TAFA5: variants seen among roughly 807,000 people sequenced by gnomAD.
The protein encoded by TAFA5 is chemokine-like protein TAFA-5.
A neutral mutation model predicts 15.3 loss-of-function variants in TAFA5; 6 were observed. The ratio of observed to expected loss-of-function variants is 0.39; its 90% CI spans 0.21 to 0.77. The LOEUF (loss-of-function observed/expected upper bound fraction) is 0.77. Ranked by LOEUF, TAFA5 falls within the 30% of genes least tolerant of loss-of-function variation. The pLI is 0.41. For synonymous variants in TAFA5, 103 were observed against 80.7 expected, an observed-to-expected ratio of 1.28 and a Z score of -1.48; for missense variants, 161 against 193.1, an observed-to-expected ratio of 0.83 and a Z score of 0.98.
At chr22:48,703,944 C>T (rs1928997042) in intron 2 of TAFA5, among the ~76,000 whole-genome samples, 1 of 152,272 alleles carries the variant, frequency 6.6e-6, no homozygotes, top group Non-Finnish European at 1.5e-5. Flanking sequence ...GGGCTCACTT[C>T]ACCTGAGACA....
chr22:48,605,738 C>T (rs1173250819), intron 1 of TAFA5, among the ~76,000 whole-genome samples: 2 of 152,108 alleles, frequency 1.3e-5, no homozygotes, highest in Non-Finnish European at 2.9e-5. Flanking sequence ...GGGGCTTTGC[C>T]CCTCTCACCC....
intron 1 of TAFA5, among the ~76,000 whole-genome samples, chr22:48,624,589 G>T (rs922001187): frequency 6.6e-6 from 1 of 152,132 alleles, no homozygotes; most frequent in African/African-American, 2.4e-5. Flanking sequence ...TTTATTTACC[G>T]GGTTGCCAGG....
intron 1 of TAFA5, among the ~76,000 whole-genome samples, chr22:48,636,970 G>T (rs1231730031): frequency 6.6e-6 from 1 of 152,224 alleles, no homozygotes; most frequent in Admixed American, 6.5e-5. Context: ...CCTGCCCCAA[G>T]GTATGGGCAG....
chr22:48,654,275 G>A (rs1418907812), intron 2 of TAFA5, among the ~76,000 whole-genome samples: 1 of 152,128 alleles, frequency 6.6e-6, no homozygotes, highest in African/African-American at 2.4e-5. Flanking sequence ...CCTGACCCTG[G>A]GCAGACCACC....
intron 1 of TAFA5, chr22:48,544,484 G>T (rs1280923810): frequency 1.4e-5 from 5 of 354,914 alleles, no homozygotes; most frequent in South Asian, 8.4e-5. Context: ...GTTGAAATAT[G>T]CAGACCTCTG....
In TAFA5 at chr22:48,527,274, C is replaced by A. The variant is rs74977760; in HGVS notation, c.112+37570C>A. On this transcript the variant is annotated intron_variant, in intron 1 of 3. Transcript: ENST00000402357. ...TGTAAATGTCAAGGTCCACTTAGACCCCAACTGCAGCCCAGGCCTGGGGGG... is the reference window on the plus strand; with the variant it reads ...TGTAAATGTCAAGGTCCACTTAGACACCAACTGCAGCCCAGGCCTGGGGGG... 7.8e-3 allele frequency among the ~76,000 whole-genome samples: 1,184 copies of A among 152,362 alleles called. 24 individuals are homozygous for A. Among genetic ancestry groups the A allele is most frequent in the African/African-American group, 0.027 (1,123 of 41,588 alleles).
rs116703662 is a variant in TAFA5, at chr22:48,663,769, G to A, written c.262+17023G>A. Among the ~76,000 whole-genome samples, 851 of 152,292 alleles carry A rather than the reference G, an allele frequency of 5.6e-3. 6 individuals carry two copies. The highest frequency in any genetic ancestry group is 0.019 in the African/African-American group (808 of 41,558). On this transcript the variant is annotated intron_variant, in intron 2 of 3. Transcript: ENST00000402357. ...TGGCATATTCACACTGTCCAAGTCA[G>A]CTGCCTATTAGTCACTAAGTAGCCG... is the stretch of plus-strand genomic sequence containing the variant.
At chr22:48,588,489 C>G (rs1924441184) in intron 1 of TAFA5, among the ~76,000 whole-genome samples, 1 of 152,158 alleles carries the variant, frequency 6.6e-6, no homozygotes, top group African/African-American at 2.4e-5. Flanking sequence ...TGCAGAGGGT[C>G]CCAGGCAGGG....
At chr22:48,570,903 A>G (rs1210346431) in intron 1 of TAFA5, among the ~76,000 whole-genome samples, 1 of 152,262 alleles carries the variant, frequency 6.6e-6, no homozygotes, top group Non-Finnish European at 1.5e-5. Context: ...GATTCTTTCA[A>G]GTATGAAGGC....
At chr22:48,559,173 G>C (rs1042126395) in intron 1 of TAFA5, among the ~76,000 whole-genome samples, 1 of 152,216 alleles carries the variant, frequency 6.6e-6, no homozygotes, top group Admixed American at 6.5e-5. Flanking sequence ...AGGCCGCCCG[G>C]GGCCATGGTG....
In TAFA5 at chr22:48,618,889, C is replaced by G. The variant is rs568136239; in HGVS notation, c.113-27708C>G. ...TGGGTTCCCCATAGGCCCCCCTCGC[C>G]TGCACAGATTTTCACCTAGGCCCTG... On this transcript the variant is annotated intron_variant, in intron 1 of 3. Coordinates refer to ENST00000402357, the MANE Select transcript of TAFA5 (RefSeq NM_001082967.3). Among the ~76,000 whole-genome samples the G allele has an allele frequency of 3.3e-5, 5 of 152,320 alleles. No individual in the cohort carries two copies. In the East Asian group the frequency reaches 9.7e-4, roughly 29 times the overall value.
At chr22:48,514,860 A>T (rs182262507) in intron 1 of TAFA5, among the ~76,000 whole-genome samples, 1 of 152,372 alleles carries the variant, frequency 6.6e-6, no homozygotes, top group Non-Finnish European at 1.5e-5. Flanking sequence ...GGCTGACACC[A>T]GGGTGGGTGG....
At chr22:48,604,184 G>A (rs989965110) in intron 1 of TAFA5, among the ~76,000 whole-genome samples, 3 of 152,200 alleles carry the variant, frequency 2.0e-5, no homozygotes, top group African/African-American at 7.2e-5. Context: ...TCAGGCAGCC[G>A]CTGGGCCCCT....
chr22:48,585,769 C>CCA (rs968652879), intron 1 of TAFA5, among the ~76,000 whole-genome samples: 2 of 151,722 alleles, frequency 1.3e-5, no homozygotes, highest in Admixed American at 6.6e-5. Flanking sequence ...AATACGCATA[C>CCA]CACACACACA....
intron 2 of TAFA5, among the ~76,000 whole-genome samples, chr22:48,660,748 G>T (rs1927408132): frequency 6.6e-6 from 1 of 152,208 alleles, no homozygotes; most frequent in South Asian, 2.1e-4. Flanking sequence ...ACAGCGCGTG[G>T]CCCTCTCCCA....
intron 1 of TAFA5, among the ~76,000 whole-genome samples, chr22:48,533,661 G>A (rs1466202437): frequency 6.6e-6 from 1 of 152,208 alleles, no homozygotes; most frequent in Non-Finnish European, 1.5e-5. Context: ...GACACCCTAG[G>A]GCCCCTTTCC....
At chr22:48,650,105 C>T (rs1224679681) in intron 2 of TAFA5, among the ~76,000 whole-genome samples, 13 of 152,330 alleles carry the variant, frequency 8.5e-5, no homozygotes, top group East Asian at 7.7e-4. Flanking sequence ...TCTTGCTCTG[C>T]GTGCATAATA....
At chr22:48,711,598 A>T (rs913618889) in intron 3 of TAFA5, among the ~76,000 whole-genome samples, 16 of 152,114 alleles carry the variant, frequency 1.1e-4, no homozygotes, top group Non-Finnish European at 2.9e-5. Flanking sequence ...ATTGCATCTG[A>T]GTTCTCTCCT....
intron 1 of TAFA5, among the ~76,000 whole-genome samples, chr22:48,610,863 G>A (rs758480257): frequency 2.0e-5 from 3 of 152,098 alleles, no homozygotes; most frequent in East Asian, 1.9e-4. Flanking sequence ...GGTGGGACAC[G>A]AGAGGCATCG....
Sources: gnomAD v4.1 joint callset for allele counts (sites outside exome capture counted in the v4.1 genomes callset) on GRCh38, gnomAD v4.1.1 for gene constraint, MANE v1.5 for transcripts, NCBI Gene and HGNC (gene_info 2026-07-23, HGNC 2026-07-21) for gene names.